OSBPL10: variants seen among roughly 807,000 people sequenced by gnomAD.
OSBPL10 encodes the protein oxysterol binding protein like 10.
In OSBPL10, 49 loss-of-function variants were observed where a neutral mutation model predicts 81.7. The observed-to-expected ratio is 0.60, with a 90% confidence interval of 0.48 to 0.76. The LOEUF is 0.76. OSBPL10 is among the 30% of genes least tolerant of loss of function. The pLI, the probability that OSBPL10 is intolerant of heterozygous loss-of-function variation, is 0.00. For synonymous variants in OSBPL10, 419 were observed against 383.6 expected, an observed-to-expected ratio of 1.09 and a Z score of -1.08; for missense variants, 923 against 987.8, an observed-to-expected ratio of 0.93 and a Z score of 0.88.
intron 1 of OSBPL10, among the ~76,000 whole-genome samples, chr3:31,934,826 A>G (rs1037124462): frequency 6.6e-6 from 1 of 152,114 alleles, no homozygotes; most frequent in African/African-American, 2.4e-5. Flanking sequence ...ACTATATATC[A>G]CCCTGGTATG....
At chr3:31,965,231 G>A (rs970742401) in intron 1 of OSBPL10, among the ~76,000 whole-genome samples, 3 of 150,412 alleles carry the variant, frequency 2.0e-5, no homozygotes, top group African/African-American at 4.9e-5. Flanking sequence ...TTAGCCGGGC[G>A]TGGTGGTGGG....
intron 3 of OSBPL10, among the ~76,000 whole-genome samples, chr3:31,848,772 T>C (rs1052088422): frequency 6.6e-6 from 1 of 152,214 alleles, no homozygotes; most frequent in Non-Finnish European, 1.5e-5. Context: ...TAAAATATTG[T>C]CTGATACATT....
chr3:31,741,244 C>T (rs17028175), intron 5 of OSBPL10, among the ~76,000 whole-genome samples: 13,064 of 152,224 alleles, frequency 0.086, 732 homozygotes, highest in African/African-American at 0.16. Context: ...GGAAAGCCAG[C>T]GCCTTGGTAT....
chr3:31,733,794 A>T (rs1488156087), intron 5 of OSBPL10, among the ~76,000 whole-genome samples: 1 of 144,476 alleles, frequency 6.9e-6, no homozygotes, highest in African/African-American at 2.6e-5. Context: ...CGGGTAGATC[A>T]TGAGGTCAGA....
chr3:31,747,837 G>A, intron 5 of OSBPL10, 73 bp downstream of exon 5: 2 of 1,444,450 alleles, frequency 1.4e-6, no homozygotes, highest in South Asian at 1.1e-5. Flanking sequence ...TGGAATTAAA[G>A]GAGGAAGACA....
chr3:31,911,547 G>A (rs1696577422), intron 1 of OSBPL10, among the ~76,000 whole-genome samples: 1 of 151,628 alleles, frequency 6.6e-6, no homozygotes, highest in African/African-American at 2.4e-5. Flanking sequence ...GGACCACATT[G>A]GAAGAAGAAG....
chr3:31,906,147 G>C (rs763679123), intron 1 of OSBPL10, among the ~76,000 whole-genome samples: 1 of 152,042 alleles, frequency 6.6e-6, no homozygotes, highest in African/African-American at 2.4e-5. Context: ...TCTATTTCAC[G>C]ATCAGGGAAC....
chr3:31,957,832 G>A (rs1247096088), intron 1 of OSBPL10, among the ~76,000 whole-genome samples: 2 of 152,104 alleles, frequency 1.3e-5, no homozygotes, highest in Non-Finnish European at 2.9e-5. Context: ...GTAGAGGGGG[G>A]GTTTCACCAT....
chr3:32,051,031 A>G (rs1288170993), intron 1 of OSBPL10, among the ~76,000 whole-genome samples: 2 of 151,766 alleles, frequency 1.3e-5, no homozygotes. Flanking sequence ...CAAGCTATAC[A>G]TATATTTAGA....
At chr3:31,882,669 GCACACA>G (rs138240925) in intron 1 of OSBPL10, among the ~76,000 whole-genome samples, 4 of 150,366 alleles carry the variant, frequency 2.7e-5, no homozygotes, top group Non-Finnish European at 5.9e-5. Context: ...GTGCACACAC[GCACACA>G]CACACACACA....
intron 4 of OSBPL10, among the ~76,000 whole-genome samples, chr3:31,779,717 A>G (rs1210231226): frequency 6.6e-6 from 1 of 152,248 alleles, no homozygotes. Flanking sequence ...GCAAATATTT[A>G]CAGAACATTC....
rs757385998 is a variant in OSBPL10 at position 32,030,964 on chromosome 3, G to A, written n.298+15527C>T. Among the ~76,000 whole-genome samples, 9 of 152,084 alleles carry A rather than the reference G, an allele frequency of 5.9e-5. No individual in the cohort carries two copies. In the South Asian group the frequency reaches 6.2e-4, roughly 11 times the overall value. On this transcript the variant is annotated intron_variant and non_coding_transcript_variant, in intron 2 of 3. Coordinates refer to the OSBPL10 transcript ENST00000479173. The stretch of plus-strand genomic sequence containing the variant: ...GTGGATCACCTGAGGTCAGGAGTTC[G>A]AGACCAGCCTGCCTAACATGGTAAA...
intron 3 of OSBPL10, among the ~76,000 whole-genome samples, chr3:31,870,234 G>GC (rs1332753054): frequency 4.6e-5 from 7 of 152,244 alleles, no homozygotes; most frequent in Non-Finnish European, 1.5e-5. Context: ...GGGCCTCCCG[G>GC]CCCGGGCAGT....
chr3:31,926,606 G>A (rs1697082526), intron 1 of OSBPL10, among the ~76,000 whole-genome samples: 1 of 152,142 alleles, frequency 6.6e-6, no homozygotes, highest in Non-Finnish European at 1.5e-5. Flanking sequence ...CACACTTCAG[G>A]AGTTGGTGTA....
In OSBPL10 at chr3:31,797,284, C is replaced by A. The variant is rs7628712; in HGVS notation, c.729+32756G>T. On this transcript the variant is annotated intron_variant, in intron 4 of 11. Transcript: ENST00000396556. The stretch of plus-strand genomic sequence containing the variant: ...CTAGGATTACAGGCGTGAGCCACTG[C>A]GCCTGGCCACAAATGATTTAAGGGC... Among the ~76,000 whole-genome samples the A allele has an allele frequency of 4.3e-4, 66 of 152,134 alleles. No homozygotes were observed. The East Asian group carries it at 0.012, about 27-fold the overall frequency.
At chr3:31,983,745 G>T (rs560025495), upstream of OSBPL10, among the ~76,000 whole-genome samples, 3 of 152,308 alleles carry the variant, frequency 2.0e-5, no homozygotes, top group South Asian at 6.2e-4. Context: ...ACCTACCGTA[G>T]TATAGCAAAT....
In OSBPL10 at chr3:31,916,439, T is replaced by TA. The variant is rs1228604698; in HGVS notation, c.282-36610dup. Among the ~76,000 whole-genome samples the TA allele has an allele frequency of 2.0e-5, 3 of 152,302 alleles. No homozygotes were observed. The East Asian group carries it at 5.8e-4, about 29-fold the overall frequency. On this transcript the variant is annotated intron_variant, in intron 1 of 11. Transcript: ENST00000396556. The stretch of plus-strand genomic sequence containing the variant: ...CCTCTAAAAACAGAGGAGTCAAGTG[T>TA]AACAACAGGTTGGTTATAAGCATTA...
chr3:31,934,409 T>TC (rs947303133), intron 1 of OSBPL10, among the ~76,000 whole-genome samples: 2 of 105,574 alleles, frequency 1.9e-5, no homozygotes, highest in East Asian at 3.3e-4. Flanking sequence ...GAAAATTCAT[T>TC]CTTTTTTTTT....
chr3:31,693,987 C>A lies in OSBPL10; in HGVS notation c.1245+8372G>T, dbSNP rs115918702. Among the ~76,000 whole-genome samples the A allele has an allele frequency of 8.6e-3, 1,312 of 152,256 alleles. 13 individuals carry two copies. Among genetic ancestry groups the A allele is most frequent in the Non-Finnish European group, 0.015 (1,001 of 68,010 alleles). Reference sequence around the variant, plus strand: ...GTCTTGCTATGTTGCTCAGGCTGGTCTCAAACTCCTGGACTGAAGTGATTC... The same window carrying A: ...GTCTTGCTATGTTGCTCAGGCTGGTATCAAACTCCTGGACTGAAGTGATTC... On this transcript the variant is annotated intron_variant, in intron 7 of 11. Coordinates refer to ENST00000396556, the MANE Select transcript of OSBPL10 (RefSeq NM_017784.5).
Sources: allele counts gnomAD v4.1 joint callset (sites outside exome capture counted in the v4.1 genomes callset), GRCh38; gene constraint gnomAD v4.1.1; transcripts MANE v1.5; gene names NCBI Gene and HGNC (gene_info 2026-07-23, HGNC 2026-07-21).